CFAP57: variants seen among roughly 807,000 people sequenced by gnomAD.
The protein encoded by CFAP57 is cilia- and flagella-associated protein 57.
Under a neutral mutation model 146.8 loss-of-function variants are expected in CFAP57, and 116 were observed. The ratio of observed to expected loss-of-function variants is 0.79; its 90% CI spans 0.68 to 0.92. The LOEUF is 0.92. Among genes scored for constraint, CFAP57 ranks in the 40% least tolerant of loss-of-function variants. The pLI is 0.00. For synonymous variants in CFAP57, 518 were observed against 552.8 expected, an observed-to-expected ratio of 0.94 and a Z score of 0.88; for missense variants, 1,377 against 1,527.2, an observed-to-expected ratio of 0.90 and a Z score of 1.64.
chr1:43,243,134 C>T (rs898816790), intron 21 of CFAP57, 93 bp from the exon 22 acceptor site: 19 of 1,407,214 alleles, frequency 1.4e-5, no homozygotes, highest in Admixed American at 4.7e-5. Flanking sequence ...CTAACCCTGC[C>T]CATTCCCCAT....
chr1:43,231,442 A>G lies in CFAP57; in HGVS notation c.3010-1066A>G, dbSNP rs564763481. Among the ~76,000 whole-genome samples, 45 of 152,344 alleles carry G rather than the reference A, an allele frequency of 3.0e-4. 1 individual carries two copies. The East Asian group carries it at 8.1e-3, about 27-fold the overall frequency. On this transcript the variant is annotated intron_variant, in intron 18 of 22. Coordinates refer to ENST00000372492, the MANE Select transcript of CFAP57 (RefSeq NM_001378189.1). Reference sequence around the variant, plus strand: ...TACTAGTGTCCACCAGATATAGTCCATAAGTCATTAGGAGTTAGGTCAATG... The same window carrying G: ...TACTAGTGTCCACCAGATATAGTCCGTAAGTCATTAGGAGTTAGGTCAATG...
chr1:43,193,130 G>A (rs1643649383), intron 6 of CFAP57, among the ~76,000 whole-genome samples: 1 of 152,010 alleles, frequency 6.6e-6, no homozygotes, highest in Non-Finnish European at 1.5e-5. Context: ...TCTATTTCTA[G>A]TAACATTTTC....
Position 43,172,378 on chromosome 1 carries a change from T to C in CFAP57, c.-95T>C. On this transcript the variant is annotated 5_prime_UTR_variant, in exon 1 of 23. Coordinates refer to ENST00000372492, the MANE Select transcript of CFAP57 (RefSeq NM_001378189.1). The stretch of plus-strand genomic sequence containing the variant: ...GGAACCGCTACGGCGTTTGAAAGTG[T>C]CCGGGTTGCTTAGGATCCCTACAGG... 1 of 1,551,474 alleles carries C rather than the reference T, an allele frequency of 6.4e-7. No homozygotes were observed. Among genetic ancestry groups the C allele is most frequent in the South Asian group, 1.2e-5 (1 of 84,050 alleles).
At chr1:43,229,670 C>A (rs78805711) in intron 18 of CFAP57, among the ~76,000 whole-genome samples, 1,576 of 148,578 alleles carry the variant, frequency 0.011, 176 homozygotes, top group African/African-American at 0.038. Context: ...AGAGGTTTCC[C>A]GAGGCTTGTC....
chr1:43,227,331 G>A (rs527360863), intron 18 of CFAP57, among the ~76,000 whole-genome samples: 1 of 152,346 alleles, frequency 6.6e-6, no homozygotes, highest in South Asian at 2.1e-4. Context: ...AAATCGCTTG[G>A]GAGTTAACTT....
intron 21 of CFAP57, among the ~76,000 whole-genome samples, chr1:43,239,374 G>T (rs1645822467): frequency 6.6e-6 from 1 of 152,094 alleles, no homozygotes; most frequent in Admixed American, 6.5e-5. Flanking sequence ...AGGTTGGCAG[G>T]GGGGTCAGGA....
chr1:43,224,777 G>A (rs879090429), intron 17 of CFAP57, among the ~76,000 whole-genome samples: 4 of 152,076 alleles, frequency 2.6e-5, no homozygotes, highest in African/African-American at 7.2e-5. Context: ...TCCAGATTCC[G>A]TGCCCTCCTC....
intron 12 of CFAP57, among the ~76,000 whole-genome samples, chr1:43,216,848 G>A (rs894412383): frequency 6.6e-6 from 1 of 152,200 alleles, no homozygotes; most frequent in Admixed American, 6.5e-5. Context: ...GGTCTGCTGT[G>A]TACCTGACAC....
chr1:43,176,185 A>G (rs1323751894), intron 2 of CFAP57, among the ~76,000 whole-genome samples: 3 of 152,116 alleles, frequency 2.0e-5, no homozygotes, highest in African/African-American at 4.8e-5. Context: ...GAAACCCCCA[A>G]TGTTGGTCTT....
intron 12 of CFAP57, 97 bp downstream of exon 12, chr1:43,215,513 C>T (rs612626): frequency 0.84 from 1,204,674 of 1,429,880 alleles, 512,784 homozygotes; most frequent in Non-Finnish European, 0.88. Context: ...CCTGGCTACA[C>T]CCTATGCCCA....
At chr1:43,206,647 G>A (rs1644368997) in intron 9 of CFAP57, 73 bp from the exon 10 acceptor site, 4 of 1,528,416 alleles carry the variant, frequency 2.6e-6, no homozygotes, top group Non-Finnish European at 3.6e-6. Context: ...CACCTAAGGA[G>A]TTTGCACCCT....
At chr1:43,176,266 G>A (rs1019885135) in intron 2 of CFAP57, among the ~76,000 whole-genome samples, 63 of 152,292 alleles carry the variant, frequency 4.1e-4, no homozygotes, top group African/African-American at 1.4e-3. Flanking sequence ...ATCTAGAAGA[G>A]GCAGGACAAA....
At chr1:43,191,370 G>A (rs1333280505) in intron 6 of CFAP57, among the ~76,000 whole-genome samples, 5 of 151,978 alleles carry the variant, frequency 3.3e-5, no homozygotes, top group East Asian at 1.9e-4. Flanking sequence ...GGCAGGTCAC[G>A]AGCTCAGGAG....
At chr1:43,210,218 C>A in intron 11 of CFAP57, 1 of 1,508,546 alleles carries the variant, frequency 6.6e-7, no homozygotes, top group South Asian at 1.3e-5. Flanking sequence ...GTGTGGGCTG[C>A]ACTTGACCAC....
intron 17 of CFAP57, among the ~76,000 whole-genome samples, chr1:43,225,450 A>G (rs772454575): frequency 1.4e-4 from 21 of 152,366 alleles, no homozygotes; most frequent in Admixed American, 2.6e-4. Flanking sequence ...CTGTGTTCCA[A>G]TAAAGTTTTA....
intron 21 of CFAP57, among the ~76,000 whole-genome samples, chr1:43,241,753 C>T (rs1645931119): frequency 6.6e-6 from 1 of 152,122 alleles, no homozygotes; most frequent in Non-Finnish European, 1.5e-5. Context: ...CCATTCCAGA[C>T]CTATGAGTCA....
chr1:43,232,002 T>G lies in CFAP57; in HGVS notation c.3010-506T>G. On this transcript the variant is annotated intron_variant, in intron 18 of 22. Transcript: ENST00000372492. ...CTGAGGCCCCTTCTCAGCTTCCCCT[T>G]TCCTGTTTTATGCCTTAGATGGGTG... The G allele has an allele frequency of 4.5e-6, 3 of 661,270 alleles. No homozygotes were observed. The South Asian group carries it at 5.0e-5, about 11-fold the overall frequency. 41.0% of individuals were successfully genotyped at this position (661,270 alleles called of 1,614,324 possible).
At chr1:43,209,984 C>T in intron 11 of CFAP57, 68 bp downstream of exon 11, 1 of 1,613,306 alleles carries the variant, frequency 6.2e-7, no homozygotes, top group Non-Finnish European at 8.5e-7. Context: ...TTCATCCCTT[C>T]AACCTCCCAA....
At chr1:43,223,116 C>A in intron 16 of CFAP57, 119 bp downstream of exon 16, 1 of 1,148,808 alleles carries the variant, frequency 8.7e-7, no homozygotes, top group Non-Finnish European at 1.2e-6. Flanking sequence ...CCATCTTCAG[C>A]GAGCAGGCTG....
Sources: allele counts gnomAD v4.1 joint callset (sites outside exome capture counted in the v4.1 genomes callset), GRCh38; gene constraint gnomAD v4.1.1; transcripts MANE v1.5; gene names NCBI Gene and HGNC (gene_info 2026-07-23, HGNC 2026-07-21).